CHD7: variants seen among roughly 807,000 people sequenced by gnomAD.
CHD7 encodes the protein ATP-dependent chromatin remodeler CHD7.
A neutral mutation model predicts 307.3 loss-of-function variants in CHD7; 24 were observed. The ratio of observed to expected loss-of-function variants is 0.08; its 90% CI spans 0.06 to 0.11. The LOEUF is 0.11. Among genes scored for constraint, CHD7 ranks in the 10% least tolerant of loss-of-function variants. The pLI, the probability that CHD7 is intolerant of heterozygous loss-of-function variation, is 1.00. For missense variants in CHD7, 3,106 were observed against 3,727.1 expected, an observed-to-expected ratio of 0.83 and a Z score of 4.34; for synonymous variants, 1,363 against 1,349.9, an observed-to-expected ratio of 1.01 and a Z score of -0.21.
At chr8:60,782,954 T>G (rs922984275) in intron 3 of CHD7, among the ~76,000 whole-genome samples, 4 of 152,142 alleles carry the variant, frequency 2.6e-5, no homozygotes, top group African/African-American at 9.7e-5. Flanking sequence ...AGCAAAAATC[T>G]TAAAAAGAAT....
intron 1 of CHD7, among the ~76,000 whole-genome samples, chr8:60,725,474 G>A (rs901469895): frequency 6.6e-6 from 1 of 152,184 alleles, no homozygotes; most frequent in South Asian, 2.1e-4. Context: ...GGGATTTGAA[G>A]TAGTTAAGTC....
At chr8:60,773,287 C>A (rs1324691813) in intron 2 of CHD7, among the ~76,000 whole-genome samples, 3 of 152,128 alleles carry the variant, frequency 2.0e-5, no homozygotes, top group Non-Finnish European at 4.4e-5. Flanking sequence ...TTTCTGTTGG[C>A]CCTCTTTTTT....
intron 9 of CHD7, 52 bp from the exon 10 acceptor site, chr8:60,821,738 G>A: frequency 6.7e-7 from 1 of 1,492,144 alleles, no homozygotes; most frequent in African/African-American, 1.4e-5. Context: ...ATATGTATAT[G>A]TATGTATGTG....
At chr8:60,860,868 C>T (rs542843448) in intron 34 of CHD7, 36 bp from the exon 35 acceptor site, 18 of 1,483,304 alleles carry the variant, frequency 1.2e-5, no homozygotes, top group South Asian at 2.4e-5. Flanking sequence ...GCTCTCTCTT[C>T]GTGTGAGAAT....
At chr8:60,695,792 TCTC>T (rs563599070) in intron 1 of CHD7, among the ~76,000 whole-genome samples, 37 of 152,304 alleles carry the variant, frequency 2.4e-4, no homozygotes, top group African/African-American at 6.3e-4. Context: ...ATGATATACT[TCTC>T]CTCATTAAAT....
chr8:60,824,176 C>G, intron 13 of CHD7, 160 bp downstream of exon 13: 1 of 622,014 alleles, frequency 1.6e-6, no homozygotes, highest in Non-Finnish European at 2.7e-6. Context: ...AAGTTGTTGC[C>G]TTTTGGATTC....
At position 60,741,587 on chromosome 8, in the gene CHD7, C is replaced by G. The variant is rs377710972; in HGVS notation, c.155C>G (p.Pro52Arg). 10 of 1,613,594 alleles carry G rather than the reference C, an allele frequency of 6.2e-6. 1 individual carries two copies. The highest frequency in any genetic ancestry group is 8.5e-6 in the Non-Finnish European group (10 of 1,179,784). Residue 52 changes from proline to arginine, a missense_variant, in exon 2 of 38, where the codon CCA becomes CGA. By Grantham distance (103) the Pro-to-Arg change is moderately radical. This residue lies in a region of CHD7 where 998 missense variants were observed against 1,004.5 expected (regional missense o/e 0.99). Coordinates refer to ENST00000423902, the MANE Select transcript of CHD7 (RefSeq NM_017780.4). The stretch of plus-strand genomic sequence containing the variant: ...GACCAAGGCTTTGCCTCTTTACAGC[C>G]ATCCCTTCATCATCCTTCAACTAAT... ...PIDQGFASLQ[P>R]SLHHPSTNQN...
At position 60,796,480 on chromosome 8, in the gene CHD7, A is replaced by T. The variant is rs548396694; in HGVS notation, c.2238+1353A>T. On this transcript the variant is annotated intron_variant, in intron 4 of 37. Coordinates refer to ENST00000423902, the MANE Select transcript of CHD7 (RefSeq NM_017780.4). ...GGACCTTTATGTCAATAGTATTTGG[A>T]CAACATTAAGAATTTGTTTGCATCA... 2.4e-4 allele frequency among the ~76,000 whole-genome samples: 37 copies of T among 152,306 alleles called. 1 individual carries two copies. The South Asian group carries it at 7.7e-3, about 32-fold the overall frequency.
chr8:60,718,201 T>G (rs190243958), intron 1 of CHD7, among the ~76,000 whole-genome samples: 54 of 152,228 alleles, frequency 3.5e-4, no homozygotes, highest in African/African-American at 1.2e-3. Flanking sequence ...TTGAAGTTGG[T>G]CGCGGTAGCT....
At chr8:60,858,056 G>A (rs1442504787) in intron 34 of CHD7, among the ~76,000 whole-genome samples, 2 of 152,202 alleles carry the variant, frequency 1.3e-5, no homozygotes, top group African/African-American at 4.8e-5. Flanking sequence ...AGCAGTTCAA[G>A]ACCAGCCTGG....
At chr8:60,712,976 T>A (rs924920548) in intron 1 of CHD7, among the ~76,000 whole-genome samples, 2 of 137,162 alleles carry the variant, frequency 1.5e-5, no homozygotes, top group Non-Finnish European at 3.1e-5. Context: ...GCTTGAACCC[T>A]GGAGGGGGAG....
At chr8:60,845,556 G>A in intron 23 of CHD7, 147 bp downstream of exon 23, 1 of 829,874 alleles carries the variant, frequency 1.2e-6, no homozygotes, top group Non-Finnish European at 1.9e-6. Flanking sequence ...GGATCTTGGT[G>A]TCTGAGGGGG....
In CHD7 at chr8:60,821,861, C is replaced by A; in HGVS notation, c.2769C>A (p.Asp923Glu). The change falls in exon 10 of 38, where the codon GAC (aspartate) becomes GAA (glutamate). Residue 923 changes from aspartate to glutamate, a missense_variant. Physicochemically the swap from Asp to Glu is conservative, Grantham distance 45. Transcript: ENST00000423902. Reference sequence around the variant, plus strand: ...ACAGCACGTGGGAGCGGAGGCAGGACATAGATCAAGCAAAGATCGAGGAGT... The same window carrying A: ...ACAGCACGTGGGAGCGGAGGCAGGAAATAGATCAAGCAAAGATCGAGGAGT... ...YEDSTWERRQ[D>E]IDQAKIEEFE... 3 of 1,604,108 alleles carry A rather than the reference C, an allele frequency of 1.9e-6. No individual in the cohort carries two copies. The highest frequency in any genetic ancestry group is 2.6e-6 in the Non-Finnish European group (3 of 1,174,864).
chr8:60,790,231 T>A (rs1811702637), intron 3 of CHD7, among the ~76,000 whole-genome samples: 1 of 152,164 alleles, frequency 6.6e-6, no homozygotes, highest in Admixed American at 6.5e-5. Context: ...TCTAGCCTCA[T>A]GAGTGGTTGG....
At chr8:60,793,348 TTTAAACC>T (rs1400006495) in intron 3 of CHD7, among the ~76,000 whole-genome samples, 1 of 152,190 alleles carries the variant, frequency 6.6e-6, no homozygotes, top group Admixed American at 6.5e-5. Flanking sequence ...AAAATAACTT[TTTAAACC>T]TAACTGCCAT....
At chr8:60,854,913 A>G (rs1805634480) in intron 32 of CHD7, among the ~76,000 whole-genome samples, 1 of 152,216 alleles carries the variant, frequency 6.6e-6, no homozygotes, top group Admixed American at 6.5e-5. Flanking sequence ...TTGGAAACCT[A>G]CCAGCTTCTT....
At chr8:60,852,771 A>G (rs1028958106) in intron 30 of CHD7, 58 bp from the exon 31 acceptor site, 3 of 1,609,988 alleles carry the variant, frequency 1.9e-6, no homozygotes, top group Admixed American at 1.7e-5. Flanking sequence ...AAGAAAGTGT[A>G]CAATGTAGAA....
At chr8:60,729,737 A>G (rs1330587452) in intron 1 of CHD7, among the ~76,000 whole-genome samples, 1 of 152,216 alleles carries the variant, frequency 6.6e-6, no homozygotes, top group Non-Finnish European at 1.5e-5. Flanking sequence ...ATTATGCAAA[A>G]CAAATGTCAT....
intron 1 of CHD7, among the ~76,000 whole-genome samples, chr8:60,696,724 G>A (rs1727077823): frequency 1.3e-5 from 2 of 151,864 alleles, no homozygotes; most frequent in South Asian, 4.1e-4. Flanking sequence ...TGGAAGGAAG[G>A]ACTCTGACAG....
Sources: allele counts gnomAD v4.1 joint callset (sites outside exome capture counted in the v4.1 genomes callset), GRCh38; gene constraint gnomAD v4.1.1; regional missense constraint gnomAD v4.1.1; transcripts MANE v1.5; gene names NCBI Gene and HGNC (gene_info 2026-07-23, HGNC 2026-07-21).